DOP1A: variants seen among roughly 807,000 people sequenced by gnomAD.
The protein encoded by DOP1A is DOP1 leucine zipper like protein A, also known as protein DOP1A.
DOP1A carries 90 observed loss-of-function variants against 267.6 expected under a neutral mutation model. The observed-to-expected ratio is 0.34, with a 90% CI of 0.28 to 0.40. DOP1A has a LOEUF of 0.40. DOP1A is among the 10% of genes least tolerant of loss of function. The probability of loss-of-function intolerance (pLI) is 1.00; values close to 1 mark genes in which losing one functional copy is unlikely to be tolerated. For synonymous variants in DOP1A, 932 were observed against 999.1 expected, an observed-to-expected ratio of 0.93 and a Z score of 1.27; for missense variants, 2,437 against 2,900.4, an observed-to-expected ratio of 0.84 and a Z score of 3.67.
intron 19 of DOP1A, 112 bp downstream of exon 19, chr6:83,134,399 A>G: frequency 9.6e-6 from 7 of 730,826 alleles, no homozygotes; most frequent in Non-Finnish European, 1.4e-5. Flanking sequence ...TACAAATTTT[A>G]TAAAGAGAAT....
chr6:83,168,972 T>C (rs983407974), downstream of DOP1A: 51 of 1,228,026 alleles, frequency 4.2e-5, no homozygotes, highest in Admixed American at 5.9e-4. Flanking sequence ...AACTGTACAG[T>C]TAGTGACTGA....
At chr6:83,119,637 A>G (rs1776037602) in intron 8 of DOP1A, 111 bp from the exon 9 acceptor site, 1 of 722,962 alleles carries the variant, frequency 1.4e-6, no homozygotes, top group African/African-American at 1.8e-5. Context: ...TGAATGGGCT[A>G]CTAATTGGTA....
At chr6:83,145,427 A>T in intron 24 of DOP1A, 97 bp from the exon 25 acceptor site, 1 of 1,126,404 alleles carries the variant, frequency 8.9e-7, no homozygotes. Context: ...CATTTAAAAA[A>T]TATAAAAAAA....
At chr6:83,091,361 AT>A (rs2128097750) in intron 1 of DOP1A, among the ~76,000 whole-genome samples, 1 of 152,224 alleles carries the variant, frequency 6.6e-6, no homozygotes, top group African/African-American at 2.4e-5. Context: ...GTCTCTTCTC[AT>A]TTTTCAGCAA....
chr6:83,082,758 A>C (rs1487806023), intron 1 of DOP1A, among the ~76,000 whole-genome samples: 1 of 152,156 alleles, frequency 6.6e-6, no homozygotes, highest in Non-Finnish European at 1.5e-5. Flanking sequence ...TGTACATAAT[A>C]CAATTTTATC....
chr6:83,116,880 G>A (rs923068887), intron 7 of DOP1A, among the ~76,000 whole-genome samples: 2 of 152,212 alleles, frequency 1.3e-5, no homozygotes, highest in Non-Finnish European at 2.9e-5. Flanking sequence ...TCTCCTAGAA[G>A]CCCAACTTTT....
At chr6:83,163,331 T>C (rs1319116976) in intron 38 of DOP1A, among the ~76,000 whole-genome samples, 1 of 152,072 alleles carries the variant, frequency 6.6e-6, no homozygotes, top group African/African-American at 2.4e-5. Flanking sequence ...CAAACAAAAG[T>C]ATGAGTTGAT....
In DOP1A at chr6:83,148,868, G is replaced by T; in HGVS notation, c.5837+5G>T. ...AGGGCAGTTTCTTATACTTGGGTAA[G>T]CAATTTCACTTAATATTATTTCAAA... On this transcript the variant is annotated splice_donor_5th_base_variant and intron_variant, in intron 27 of 38. Transcript: ENST00000349129. 1 of 1,464,934 alleles carries T rather than the reference G, an allele frequency of 6.8e-7. No individual in the cohort carries two copies. Among genetic ancestry groups the T allele is most frequent in the Admixed American group, 2.5e-5 (1 of 39,494 alleles). 90.7% of individuals were successfully genotyped at this position (1,464,934 alleles called of 1,614,324 possible).
chr6:83,163,768 CAG>C (rs1262635529), intron 38 of DOP1A, among the ~76,000 whole-genome samples: 2 of 151,962 alleles, frequency 1.3e-5, no homozygotes, highest in Non-Finnish European at 2.9e-5. Flanking sequence ...AAACAGTGCT[CAG>C]AGTTAAACTG....
chr6:83,075,083 A>T (rs73752512), intron 1 of DOP1A, among the ~76,000 whole-genome samples: 2,953 of 152,282 alleles, frequency 0.019, 107 homozygotes, highest in African/African-American at 0.067. Context: ...AAATTAATAT[A>T]TATTTTCCCT....
intron 26 of DOP1A, 65 bp from the exon 27 acceptor site, chr6:83,148,694 G>T (rs1781011690): frequency 1.8e-6 from 2 of 1,101,938 alleles, no homozygotes; most frequent in African/African-American, 1.7e-5. Context: ...TTTAGAGAAT[G>T]TTCCACAAAC....
Position 83,129,342 on chromosome 6 carries a change from A to C in DOP1A, c.2175A>C (p.Ser725=). 6.2e-7 allele frequency: 1 copy of C among 1,606,486 alleles called. No homozygotes were observed. Among genetic ancestry groups the C allele is most frequent in the South Asian group, 1.1e-5 (1 of 89,274 alleles). The change falls in exon 16 of 39, where the codon TCA becomes TCC. Residue 725 remains serine, a synonymous_variant. Transcript: ENST00000349129. ...QGETSKWDRN[S]QGDVKEKNIS... ...AGACTTCAAAATGGGACAGAAATTC[A>C]CAAGGAGATGTAAAAGAGAAAAACA...
chr6:83,139,482 G>A (rs2128273770), intron 21 of DOP1A, among the ~76,000 whole-genome samples: 1 of 152,226 alleles, frequency 6.6e-6, no homozygotes, highest in East Asian at 1.9e-4. Context: ...GGTTTTGTCT[G>A]TTTTATCTAA....
intron 16 of DOP1A, 100 bp downstream of exon 16, chr6:83,129,608 C>G: frequency 1.7e-6 from 2 of 1,190,106 alleles, no homozygotes; most frequent in African/African-American, 1.6e-5. Context: ...TAGCCAGTTA[C>G]TTTTTTTAAT....
chr6:83,077,373 T>G (rs144397310), intron 1 of DOP1A, among the ~76,000 whole-genome samples: 2 of 151,768 alleles, frequency 1.3e-5, no homozygotes, highest in Admixed American at 1.3e-4. Flanking sequence ...AAAAACAATT[T>G]AAAAAGGACT....
At chr6:83,085,108 A>G (rs910949964) in intron 1 of DOP1A, among the ~76,000 whole-genome samples, 3 of 152,216 alleles carry the variant, frequency 2.0e-5, no homozygotes, top group African/African-American at 7.2e-5. Flanking sequence ...AAGTGTGACT[A>G]TACTAGTTAA....
intron 1 of DOP1A, among the ~76,000 whole-genome samples, chr6:83,079,376 A>T (rs572302377): frequency 6.6e-6 from 1 of 152,256 alleles, no homozygotes; most frequent in East Asian, 1.9e-4. Flanking sequence ...AAAACGTTAA[A>T]ATTCCATGGG....
In DOP1A at chr6:83,130,202, G is replaced by A; in HGVS notation, c.2421G>A (p.Gln807=). ...ACSQASDFSV[Q]SVAISLVMDL... ...GCCAAGCAAGTGATTTCAGTGTTCA[G>A]AGTGTTGCTATTTCACTAGTTATGG... is the stretch of plus-strand genomic sequence containing the variant. The change falls in exon 17 of 39, where the codon CAG becomes CAA. Residue 807 remains glutamine (Q), a synonymous_variant. Coordinates refer to ENST00000349129, the MANE Select transcript of DOP1A (RefSeq NM_015018.4). 1.2e-6 allele frequency: 2 copies of A among 1,614,120 alleles called. No individual in the cohort carries two copies. The highest frequency in any genetic ancestry group is 1.7e-6 in the Non-Finnish European group (2 of 1,179,992).
chr6:83,152,132 C>T lies in DOP1A; in HGVS notation c.6049+105C>T, dbSNP rs530483223. 258 of 1,318,934 alleles carry T rather than the reference C, an allele frequency of 2.0e-4. No individual in the cohort carries two copies. In the Admixed American group the frequency reaches 2.0e-3, roughly 10 times the overall value. 81.7% of individuals were successfully genotyped at this position (1,318,934 alleles called of 1,614,324 possible). On this transcript the variant is annotated intron_variant, in intron 29 of 38. Coordinates refer to ENST00000349129, the MANE Select transcript of DOP1A (RefSeq NM_015018.4). ...AGTACCACAAATTTATCCCTTTTCT[C>T]ATGTCTAACAAGTAACTTTTTTTCA...
Sources: gnomAD v4.1 joint callset for allele counts (sites outside exome capture counted in the v4.1 genomes callset) on GRCh38, gnomAD v4.1.1 for gene constraint, MANE v1.5 for transcripts, NCBI Gene and HGNC (gene_info 2026-07-23, HGNC 2026-07-21) for gene names.